The following ZEB1 variants were observed in gnomAD, a reference collection of about 807,000 sequenced individuals.
The protein encoded by ZEB1 is zinc finger E-box-binding homeobox 1.
A neutral mutation model predicts 84.9 loss-of-function variants in ZEB1; 21 were observed. That is an observed-to-expected ratio of 0.25 (90% CI 0.18 to 0.36). The LOEUF is 0.36. ZEB1 is among the 10% of genes least tolerant of loss of function. The pLI is 1.00. For synonymous variants in ZEB1, 420 were observed against 471.1 expected, an observed-to-expected ratio of 0.89 and a Z score of 1.41; for missense variants, 1,104 against 1,330.2, an observed-to-expected ratio of 0.83 and a Z score of 2.65.
At position 31,502,529 on chromosome 10, in the gene ZEB1, TG is replaced by T; in HGVS notation, c.484+21del. On this transcript the variant is annotated intron_variant, in intron 4 of 8. Transcript: ENST00000424869. Reference sequence around the variant, plus strand: ...AAAATGGTAAATGGATCTTAACAGTTGTGTTTCTTTCCCTCTTTAAAGGATT... The same window carrying T: ...AAAATGGTAAATGGATCTTAACAGTTTGTTTCTTTCCCTCTTTAAAGGATT... The T allele has an allele frequency of 6.2e-7, 1 of 1,613,572 alleles. No homozygotes were observed. The highest frequency in any genetic ancestry group is 8.5e-7 in the Non-Finnish European group (1 of 1,179,542).
intron 1 of ZEB1, among the ~76,000 whole-genome samples, chr10:31,327,458 G>T (rs2035810197): frequency 6.6e-6 from 1 of 152,088 alleles, no homozygotes; most frequent in African/African-American, 2.4e-5. Flanking sequence ...TAGATATGTT[G>T]CTATATGTAC....
chr10:31,442,730 A>G (rs1255746350), intron 1 of ZEB1, among the ~76,000 whole-genome samples: 1 of 152,144 alleles, frequency 6.6e-6, no homozygotes, highest in African/African-American at 2.4e-5. Context: ...TTGGTGAGTT[A>G]AGAGGAAACT....
At chr10:31,320,703 G>C (rs1312712367) in intron 1 of ZEB1, 1 of 152,278 alleles carries the variant, frequency 6.6e-6, no homozygotes, top group Non-Finnish European at 1.5e-5. Context: ...GACGTTGTAA[G>C]TTGATTGTAT....
At chr10:31,368,620 T>C (rs966655425) in intron 1 of ZEB1, among the ~76,000 whole-genome samples, 1 of 152,234 alleles carries the variant, frequency 6.6e-6, no homozygotes, top group Non-Finnish European at 1.5e-5. Context: ...TGTATTGAGA[T>C]GTTACTTTGT....
chr10:31,351,064 C>T (rs2041241707), intron 1 of ZEB1, among the ~76,000 whole-genome samples: 2 of 152,260 alleles, frequency 1.3e-5, no homozygotes, highest in South Asian at 4.2e-4. Flanking sequence ...CCTTTGCAGC[C>T]AAATAGCAAC....
chr10:31,329,736 A>T (rs2036365079), intron 1 of ZEB1, among the ~76,000 whole-genome samples: 2 of 152,080 alleles, frequency 1.3e-5, no homozygotes, highest in Non-Finnish European at 2.9e-5. Flanking sequence ...TTTAATTTTA[A>T]CCATTCTAGT....
At chr10:31,327,699 T>TCA (rs1220747011) in intron 1 of ZEB1, among the ~76,000 whole-genome samples, 1 of 152,198 alleles carries the variant, frequency 6.6e-6, no homozygotes, top group Non-Finnish European at 1.5e-5. Context: ...TATAGGTCAA[T>TCA]CACATATTTA....
chr10:31,413,375 C>T (rs2054640018), intron 1 of ZEB1, among the ~76,000 whole-genome samples: 1 of 152,060 alleles, frequency 6.6e-6, no homozygotes. Flanking sequence ...GGAAACTTTT[C>T]ACAGGAGATG....
chr10:31,411,661 CATTAGG>C (rs2054306822), intron 1 of ZEB1, among the ~76,000 whole-genome samples: 20 of 139,894 alleles, frequency 1.4e-4, no homozygotes, highest in Non-Finnish European at 2.9e-4. Flanking sequence ...AAAAAAGCAG[CATTAGG>C]AGAGAAATTT....
chr10:31,393,171 G>A (rs779273601), intron 1 of ZEB1, among the ~76,000 whole-genome samples: 1 of 152,116 alleles, frequency 6.6e-6, no homozygotes, highest in African/African-American at 2.4e-5. Flanking sequence ...AAATTAAATT[G>A]TGCTTAAAGA....
At chr10:31,477,582 G>T (rs755974861) in intron 2 of ZEB1, among the ~76,000 whole-genome samples, 5 of 152,008 alleles carry the variant, frequency 3.3e-5, no homozygotes, top group Non-Finnish European at 7.4e-5. Context: ...CAAAGCCAGA[G>T]ACATCAGATT....
rs538673659 is a variant in ZEB1 at position 31,473,909 on chromosome 10, A to G, written c.259+12672A>G. ...AGAGCCCTCAGAAATAACGCCGCAT[A>G]TCTACAACTATCTGATCTTTGACAA... On this transcript the variant is annotated intron_variant, in intron 2 of 8. Coordinates refer to ENST00000424869, the MANE Select transcript of ZEB1 (RefSeq NM_001174096.2). 2.6e-4 allele frequency among the ~76,000 whole-genome samples: 40 copies of G among 151,768 alleles called. No homozygotes were observed. In the South Asian group the frequency reaches 7.3e-3, roughly 28 times the overall value.
intron 3 of ZEB1, among the ~76,000 whole-genome samples, chr10:31,498,530 T>A (rs2067617526): frequency 6.6e-6 from 1 of 152,064 alleles, no homozygotes; most frequent in Admixed American, 6.6e-5. Flanking sequence ...ATAAGTACAT[T>A]ACTATATTAA....
intron 1 of ZEB1, among the ~76,000 whole-genome samples, chr10:31,336,117 A>G (rs2037998920): frequency 6.6e-6 from 1 of 152,196 alleles, no homozygotes; most frequent in Admixed American, 6.5e-5. Context: ...TGAACATTGT[A>G]ATGGTGCCAT....
At position 31,521,571 on chromosome 10, in the gene ZEB1, T is replaced by G. The variant is rs1369187527; in HGVS notation, c.2239T>G (p.Leu747Val). 30 of 1,613,932 alleles carry G rather than the reference T, an allele frequency of 1.9e-5. No individual in the cohort carries two copies. Among genetic ancestry groups the G allele is most frequent in the Non-Finnish European group, 2.5e-5 (30 of 1,180,014 alleles). ...TTCACTACCAAAGCAACAGGGAGAATTATTAGAAAGGTCAACTATCACTAG... is the reference window on the plus strand; with the variant it reads ...TTCACTACCAAAGCAACAGGGAGAAGTATTAGAAAGGTCAACTATCACTAG... Reference protein sequence around the residue: ...DLSLPKQQGELLERSTITSVY... With the variant: ...DLSLPKQQGEVLERSTITSVY... Residue 747 changes from leucine (L) to valine (V), a missense_variant, in exon 7 of 9, where the codon TTA becomes GTA. By Grantham distance (32) the Leu-to-Val change is conservative (BLOSUM62 1). Coordinates refer to ENST00000424869, the MANE Select transcript of ZEB1 (RefSeq NM_001174096.2).
intron 7 of ZEB1, among the ~76,000 whole-genome samples, chr10:31,522,255 T>C (rs2072573239): frequency 6.6e-6 from 1 of 152,244 alleles, no homozygotes; most frequent in South Asian, 2.1e-4. Flanking sequence ...GGTTTCTGTT[T>C]TTATAGCTAA....
intron 1 of ZEB1, among the ~76,000 whole-genome samples, chr10:31,418,857 A>C (rs2055660296): frequency 6.6e-6 from 1 of 152,136 alleles, no homozygotes; most frequent in East Asian, 1.9e-4. Context: ...GTTGAGTGCC[A>C]ATATGATGCT....
At chr10:31,375,418 T>C (rs772011892) in intron 1 of ZEB1, among the ~76,000 whole-genome samples, 23 of 151,822 alleles carry the variant, frequency 1.5e-4, no homozygotes, top group Non-Finnish European at 1.9e-4. Flanking sequence ...TGGTTCTGTT[T>C]AGTTGGCTTT....
intron 4 of ZEB1, among the ~76,000 whole-genome samples, chr10:31,507,897 T>C (rs1005353996): frequency 2.6e-5 from 4 of 152,154 alleles, no homozygotes; most frequent in African/African-American, 9.7e-5. Context: ...TCCTTCCTTT[T>C]TCATGTTTCT....
Sources: gnomAD v4.1 joint callset for allele counts (sites outside exome capture counted in the v4.1 genomes callset) on GRCh38, gnomAD v4.1.1 for gene constraint, MANE v1.5 for transcripts, NCBI Gene and HGNC (gene_info 2026-07-23, HGNC 2026-07-21) for gene names.